The following CBFA2T2 variants were observed in gnomAD, a reference collection of about 807,000 sequenced individuals.
CBFA2T2 encodes the protein protein CBFA2T2.
A neutral mutation model predicts 62.2 loss-of-function variants in CBFA2T2; 11 were observed. The ratio of observed to expected loss-of-function variants is 0.18; its 90% confidence interval spans 0.11 to 0.29. The LOEUF is 0.29. Among genes scored for constraint, CBFA2T2 ranks in the 10% least tolerant of loss-of-function variants. The pLI, the probability that CBFA2T2 is intolerant of heterozygous loss-of-function variation, is 1.00. For synonymous variants in CBFA2T2, 295 were observed against 287.5 expected, an observed-to-expected ratio of 1.03 and a Z score of -0.27; for missense variants, 592 against 774.1, an observed-to-expected ratio of 0.76 and a Z score of 2.79.
chr20:33,624,765 A>G lies in CBFA2T2; in HGVS notation c.694A>G (p.Arg232Gly). 6.2e-7 allele frequency: 1 copy of G among 1,614,046 alleles called. No homozygotes were observed. Among genetic ancestry groups the G allele is most frequent in the Non-Finnish European group, 8.5e-7 (1 of 1,179,950 alleles). The stretch of plus-strand genomic sequence containing the variant: ...TACGCACTTCTGCTTCTTCTACAGG[A>G]GAGAAGAGAATAGTTTTGATAGAGA... Reference protein sequence around the residue: ...GNGKRPSPERREENSFDRDTI... With the variant: ...GNGKRPSPERGEENSFDRDTI... Residue 232 changes from arginine (R) to glycine (G), a missense_variant and splice_region_variant, in exon 6 of 11, where the codon AGA becomes GGA. Arg to Gly is a moderately radical substitution (Grantham distance 125, BLOSUM62 -2). Transcript: ENST00000342704.
chr20:33,494,267 ATATATATT>A (rs2011174681), intron 1 of CBFA2T2, among the ~76,000 whole-genome samples: 1 of 44,228 alleles, frequency 2.3e-5, no homozygotes, highest in Non-Finnish European at 4.1e-5. Flanking sequence ...ATATATATAT[ATATATATT>A]TTTTTTTTTT....
chr20:33,641,676 G>A (rs941922542), intron 10 of CBFA2T2, among the ~76,000 whole-genome samples: 2 of 152,010 alleles, frequency 1.3e-5, no homozygotes, highest in African/African-American at 4.8e-5. Context: ...CTCTACCTCC[G>A]GGTTCAAGCG....
At chr20:33,503,254 C>CTTTTTTTT (rs557746879) in intron 1 of CBFA2T2, among the ~76,000 whole-genome samples, 5 of 108,664 alleles carry the variant, frequency 4.6e-5, no homozygotes, top group African/African-American at 1.1e-4. Context: ...TTCTTTCTTT[C>CTTTTTTTT]TTTTTTTTTT....
chr20:33,627,178 G>C lies in CBFA2T2; in HGVS notation c.947-1172G>C, dbSNP rs184668792. 2.6e-5 allele frequency among the ~76,000 whole-genome samples: 4 copies of C among 152,106 alleles called. No individual in the cohort carries two copies. In the East Asian group the frequency reaches 7.7e-4, roughly 29 times the overall value. ...TTTGGGAGGCCTAGGTGGGCGAATC[G>C]TGAGGTCAGGAGATCGAGACCATCC... On this transcript the variant is annotated intron_variant, in intron 6 of 10. Transcript: ENST00000342704.
chr20:33,518,919 TCAAGCGATTCTCCTC>T (rs1159816249), intron 1 of CBFA2T2, among the ~76,000 whole-genome samples: 7 of 151,856 alleles, frequency 4.6e-5, no homozygotes, highest in Non-Finnish European at 1.0e-4. Flanking sequence ...TCTCCCGGGT[TCAAGCGATTCTCCTC>T]CCTCAGCCTC....
chr20:33,511,863 C>T (rs1600912831), intron 1 of CBFA2T2, among the ~76,000 whole-genome samples: 1 of 151,642 alleles, frequency 6.6e-6, no homozygotes. Flanking sequence ...CCAGCTTGGG[C>T]TACAGAGCAA....
At chr20:33,593,711 A>G (rs1389673136) in intron 1 of CBFA2T2, among the ~76,000 whole-genome samples, 1 of 152,166 alleles carries the variant, frequency 6.6e-6, no homozygotes, top group Non-Finnish European at 1.5e-5. Flanking sequence ...GGTTTTTAAT[A>G]CAAGATAGCT....
chr20:33,508,589 T>C (rs944403455), intron 1 of CBFA2T2, among the ~76,000 whole-genome samples: 1 of 152,150 alleles, frequency 6.6e-6, no homozygotes, highest in Non-Finnish European at 1.5e-5. Flanking sequence ...CCCTCCACTT[T>C]CCCATAGGCT....
intron 1 of CBFA2T2, among the ~76,000 whole-genome samples, chr20:33,547,283 AC>A (rs1182313050): frequency 1.3e-5 from 2 of 152,164 alleles, no homozygotes; most frequent in Admixed American, 1.3e-4. Context: ...TCCCAGCTAT[AC>A]CTTTGAAGCT....
chr20:33,541,771 G>A (rs2012414971), intron 1 of CBFA2T2, among the ~76,000 whole-genome samples: 2 of 151,978 alleles, frequency 1.3e-5, no homozygotes, highest in African/African-American at 2.4e-5. Flanking sequence ...TATAATTTTT[G>A]GTACTTTTTA....
intron 2 of CBFA2T2, among the ~76,000 whole-genome samples, chr20:33,610,402 A>T (rs1162272081): frequency 1.3e-5 from 2 of 152,236 alleles, no homozygotes; most frequent in Non-Finnish European, 2.9e-5. Context: ...GAAAACTGTA[A>T]TTAATCACAT....
chr20:33,601,699 C>G (rs2015139003), intron 1 of CBFA2T2: 1 of 152,104 alleles, frequency 6.6e-6, no homozygotes, highest in South Asian at 2.1e-4. Context: ...ATAGAAAGAT[C>G]TATATTCTGC....
chr20:33,574,161 T>A (rs574804768), intron 1 of CBFA2T2: 1 of 1,609,816 alleles, frequency 6.2e-7, no homozygotes, highest in South Asian at 1.1e-5. Flanking sequence ...ACCTGTGATG[T>A]TGCATTCATC....
chr20:33,585,529 C>T (rs145893629), intron 1 of CBFA2T2, among the ~76,000 whole-genome samples: 20 of 152,280 alleles, frequency 1.3e-4, no homozygotes, highest in African/African-American at 3.6e-4. Context: ...GCTGTTCCAC[C>T]GTTTAATTAA....
intron 1 of CBFA2T2, among the ~76,000 whole-genome samples, chr20:33,597,666 C>G (rs778680728): frequency 1.6e-4 from 25 of 152,128 alleles, no homozygotes; most frequent in Non-Finnish European, 3.7e-4. Flanking sequence ...ATCCTGAAAC[C>G]ACTCCCTACC....
intron 1 of CBFA2T2, among the ~76,000 whole-genome samples, chr20:33,513,542 T>C (rs1055886859): frequency 6.6e-6 from 1 of 151,794 alleles, no homozygotes; most frequent in East Asian, 2.0e-4. Flanking sequence ...TTGTATTTTT[T>C]AGTAGAGACG....
intron 1 of CBFA2T2, among the ~76,000 whole-genome samples, chr20:33,516,442 C>T (rs555124443): frequency 6.6e-6 from 1 of 152,170 alleles, no homozygotes; most frequent in Admixed American, 6.5e-5. Context: ...TGCACTCCAG[C>T]CTGAGCAACA....
chr20:33,623,435 C>G, intron 5 of CBFA2T2, 139 bp downstream of exon 5: 2 of 942,638 alleles, frequency 2.1e-6, no homozygotes, highest in South Asian at 3.2e-5. Context: ...CTCTGTCGCC[C>G]AGACTGGAGC....
At chr20:33,548,253 T>A (rs2012635203) in intron 1 of CBFA2T2, among the ~76,000 whole-genome samples, 1 of 151,712 alleles carries the variant, frequency 6.6e-6, no homozygotes, top group African/African-American at 2.4e-5. Flanking sequence ...TTATTTTTTT[T>A]ATTTTTTTTT....
Sources: gnomAD v4.1 joint callset for allele counts (sites outside exome capture counted in the v4.1 genomes callset) on GRCh38, gnomAD v4.1.1 for gene constraint, MANE v1.5 for transcripts, NCBI Gene and HGNC (gene_info 2026-07-23, HGNC 2026-07-21) for gene names.